The following DGLUCY variants were observed in gnomAD, a reference collection of about 807,000 sequenced individuals.
The protein encoded by DGLUCY is D-glutamate cyclase, also known as D-glutamate cyclase, mitochondrial.
Under a neutral mutation model 58.5 loss-of-function variants are expected in DGLUCY, and 58 were observed. The ratio of observed to expected loss-of-function variants is 0.99; its 90% CI spans 0.80 to 1.23. The LOEUF (loss-of-function observed/expected upper bound fraction) is 1.23, where lower values mean the gene tolerates loss of function less well. DGLUCY is among the 50% of genes most tolerant of loss of function. The pLI is 0.00. For missense variants in DGLUCY, 779 were observed against 784.7 expected (o/e 0.99, Z 0.09); for synonymous variants, 325 against 314.1 (o/e 1.03, Z -0.37).
intron 11 of DGLUCY, 35 bp downstream of exon 11, chr14:91,199,940 T>G (rs955791712): frequency 1.2e-6 from 2 of 1,612,686 alleles, no homozygotes; most frequent in Non-Finnish European, 1.7e-6. Context: ...ACCAAGAACG[T>G]GGCCCCATGA....
intron 1 of DGLUCY, among the ~76,000 whole-genome samples, chr14:91,127,204 G>A (rs1181130155): frequency 6.6e-6 from 1 of 152,028 alleles, no homozygotes; most frequent in Non-Finnish European, 1.5e-5. Flanking sequence ...CCACAGGCAT[G>A]TGCCACCATG....
intron 11 of DGLUCY, among the ~76,000 whole-genome samples, chr14:91,202,499 G>A (rs576388703): frequency 3.5e-4 from 54 of 152,240 alleles, no homozygotes; most frequent in Non-Finnish European, 4.3e-4. Context: ...TCTGCAAATC[G>A]CCCTGGCTTT....
At chr14:91,135,419 G>A (rs926340176) in intron 1 of DGLUCY, among the ~76,000 whole-genome samples, 8 of 152,136 alleles carry the variant, frequency 5.3e-5, no homozygotes, top group African/African-American at 1.9e-4. Flanking sequence ...GGAGGCCAAA[G>A]CGGGCGGATC....
chr14:91,199,859 C>T lies in DGLUCY; in HGVS notation c.1398C>T (p.Asp466=), dbSNP rs769644379. The T allele has an allele frequency of 1.3e-5, 21 of 1,613,988 alleles. No homozygotes were observed. Among genetic ancestry groups the T allele is most frequent in the South Asian group, 4.4e-5 (4 of 91,084 alleles). ...MNIKHLVDPI[D]DLFLAAKKIP... The stretch of plus-strand genomic sequence containing the variant: ...TCAAGCACTTGGTTGACCCCATTGA[C>T]GATCTTTTTCTTGCTGCGAAGAAGA... Residue 466 remains aspartate, a synonymous_variant, in exon 11 of 14, where the codon GAC becomes GAT. Coordinates refer to ENST00000256324, the MANE Select transcript of DGLUCY (RefSeq NM_001102368.3).
intron 13 of DGLUCY, among the ~76,000 whole-genome samples, chr14:91,220,085 G>A (rs902257924): frequency 2.0e-5 from 3 of 152,222 alleles, no homozygotes; most frequent in Non-Finnish European, 4.4e-5. Context: ...TCTGTAGTTT[G>A]TGGACTTCTC....
intron 6 of DGLUCY, among the ~76,000 whole-genome samples, chr14:91,175,261 G>A (rs917756563): frequency 2.0e-5 from 3 of 152,128 alleles, no homozygotes; most frequent in Non-Finnish European, 4.4e-5. Context: ...CCAAGATGAA[G>A]AGCCAATATC....
intron 1 of DGLUCY, among the ~76,000 whole-genome samples, chr14:91,146,386 G>A (rs1172780045): frequency 1.3e-5 from 2 of 152,204 alleles, no homozygotes; most frequent in Admixed American, 1.3e-4. Flanking sequence ...ACAATTTCCA[G>A]CATGTTCCTG....
At chr14:91,205,788 T>TCTTCTTCTTCTC (rs1414770958) in intron 12 of DGLUCY, among the ~76,000 whole-genome samples, 3 of 138,702 alleles carry the variant, frequency 2.2e-5, no homozygotes, top group Non-Finnish European at 4.7e-5. Context: ...TTCTTCTTCT[T>TCTTCTTCTTCTC]CTTCTTCTCC....
upstream of DGLUCY, among the ~76,000 whole-genome samples, chr14:91,110,081 A>C (rs1276610120): frequency 6.6e-6 from 1 of 152,242 alleles, no homozygotes; most frequent in African/African-American, 2.4e-5. Flanking sequence ...ATTTCAGCTA[A>C]GCAATTGCAA....
chr14:91,195,670 G>GTTTTTTTTTTTTTTTTTTTT, intron 9 of DGLUCY, among the ~76,000 whole-genome samples: 1 of 120,672 alleles, frequency 8.3e-6, no homozygotes, highest in Non-Finnish European at 1.7e-5. Context: ...TTTGGGTTTT[G>GTTTTTTTTTTTTTTTTTTTT]TTTTTTTTTT....
At position 91,062,559 on chromosome 14, in the gene DGLUCY, ATATATATATATATATATAT is replaced by A. The variant is rs1163596440; in HGVS notation, c.-82+1856_-82+1874del. ...CGAGACTCTGTCTAAAAAAAAAAAAATATATATATATATATATATATATATATATATATATATATATATA... is the reference window on the plus strand; with the variant it reads ...CGAGACTCTGTCTAAAAAAAAAAAAAATATATATATATATATATATATATA... On this transcript the variant is annotated intron_variant, in intron 1 of 4. Transcript: ENST00000521334. Among the ~76,000 whole-genome samples the A allele has an allele frequency of 8.6e-4, 16 of 18,604 alleles. 2 individuals are homozygous for A. Among genetic ancestry groups the A allele is most frequent in the African/African-American group, 2.5e-3 (12 of 4,800 alleles). The allele number at this position is 18,604 out of a possible 152,430, so 12.2% of individuals were successfully genotyped here.
At chr14:91,122,433 G>A (rs113787245) in intron 1 of DGLUCY, among the ~76,000 whole-genome samples, 30 of 152,020 alleles carry the variant, frequency 2.0e-4, no homozygotes, top group African/African-American at 7.0e-4. Context: ...GATTACAGGC[G>A]TGAGCCATTG....
chr14:91,196,261 A>C, intron 9 of DGLUCY, 114 bp from the exon 10 acceptor site: 1 of 745,844 alleles, frequency 1.3e-6, no homozygotes, highest in South Asian at 1.7e-5. Flanking sequence ...CTACAGATAG[A>C]TGTTGTTCAA....
At chr14:91,205,842 C>CT (rs36096639) in intron 12 of DGLUCY, among the ~76,000 whole-genome samples, 46,993 of 70,654 alleles carry the variant, frequency 0.67, 19,176 homozygotes, top group East Asian at 0.8. Flanking sequence ...TCTTCTTCTT[C>CT]TTTTTTTTTT....
intron 1 of DGLUCY, among the ~76,000 whole-genome samples, chr14:91,157,063 GTGGA>G (rs146037809): frequency 3.9e-4 from 59 of 149,486 alleles, no homozygotes; most frequent in African/African-American, 6.7e-4. Context: ...GGGTGAGTGG[GTGGA>G]TGGATGGATG....
intron 1 of DGLUCY, among the ~76,000 whole-genome samples, chr14:91,099,587 A>G (rs2044451729): frequency 6.6e-6 from 1 of 151,082 alleles, no homozygotes; most frequent in Non-Finnish European, 1.5e-5. Flanking sequence ...TTTTTTTCTT[A>G]GAGATTCTGA....
At chr14:91,089,844 G>C (rs1224689470) in intron 1 of DGLUCY, among the ~76,000 whole-genome samples, 3 of 151,106 alleles carry the variant, frequency 2.0e-5, no homozygotes, top group Admixed American at 6.6e-5. Flanking sequence ...GCATGAAAAG[G>C]GTCATCTACT....
At chr14:91,060,363 C>T (rs1343296599) in exon 1 of DGLUCY, 20 of 1,496,344 alleles carry the variant, frequency 1.3e-5, no homozygotes, top group Admixed American at 2.0e-5. Context: ...CAGTGAGGAG[C>T]TGCTCTCCTC....
intron 1 of DGLUCY, among the ~76,000 whole-genome samples, chr14:91,078,823 T>C (rs1470164124): frequency 6.6e-6 from 1 of 152,046 alleles, no homozygotes; most frequent in Non-Finnish European, 1.5e-5. Flanking sequence ...GGTAATACTG[T>C]GGAATATTTT....
Sources: gnomAD v4.1 joint callset for allele counts (sites outside exome capture counted in the v4.1 genomes callset) on GRCh38, gnomAD v4.1.1 for gene constraint, MANE v1.5 for transcripts, NCBI Gene and HGNC (gene_info 2026-07-23, HGNC 2026-07-21) for gene names.